The following RNF6 variants were observed in gnomAD, a reference collection of about 807,000 sequenced individuals.
The protein encoded by RNF6 is ring finger protein 6, also known as E3 ubiquitin-protein ligase RNF6.
In RNF6, 21 loss-of-function variants were observed where a neutral mutation model predicts 50.1. That is an observed-to-expected ratio of 0.42 (90% CI 0.30 to 0.60). The LOEUF (loss-of-function observed/expected upper bound fraction) is 0.60. Among genes scored for constraint, RNF6 ranks in the 20% least tolerant of loss-of-function variants. The pLI is 0.20. For synonymous variants in RNF6, 255 were observed against 291.8 expected, an observed-to-expected ratio of 0.87 and a Z score of 1.29; for missense variants, 698 against 838.2, an observed-to-expected ratio of 0.83 and a Z score of 2.07.
At chr13:26,211,467 G>A (rs1377174147), downstream of RNF6, among the ~76,000 whole-genome samples, 1 of 152,114 alleles carries the variant, frequency 6.6e-6, no homozygotes, top group East Asian at 1.9e-4. Context: ...TCCCATATAA[G>A]AAATAAACGG....
chr13:26,163,180 C>G lies in RNF6; in HGVS notation n.769-30729G>C, dbSNP rs540210797. Among the ~76,000 whole-genome samples the G allele has an allele frequency of 9.6e-4, 146 of 152,202 alleles. 4 individuals carry two copies. The South Asian group carries it at 0.028, about 29-fold the overall frequency. ...ACAAAAAATTAGCCGGGCGCGGTGG[C>G]GGGTGCCTGTAGTCCCAGCTACTTG... On this transcript the variant is annotated intron_variant and non_coding_transcript_variant, in intron 5 of 5. Transcript: ENST00000468480.
intron 5 of RNF6, among the ~76,000 whole-genome samples, chr13:26,188,623 C>G (rs1380122077): frequency 2.3e-5 from 1 of 43,258 alleles, no homozygotes; most frequent in Non-Finnish European, 3.9e-5. Context: ...GTCAAAAGAG[C>G]TTTTTTTTTT....
chr13:26,216,082 G>A (rs1869844741), intron 4 of RNF6, among the ~76,000 whole-genome samples: 2 of 152,180 alleles, frequency 1.3e-5, no homozygotes, highest in Middle Eastern at 6.8e-3. Context: ...TATTTCTCAG[G>A]TGCTGCCAAA....
rs551778590 is a variant in RNF6, at chr13:26,159,909, A to C, written n.769-27458T>G. 7.9e-5 allele frequency among the ~76,000 whole-genome samples: 12 copies of C among 152,318 alleles called. No individual in the cohort carries two copies. The East Asian group carries it at 2.3e-3, about 29-fold the overall frequency. On this transcript the variant is annotated intron_variant and non_coding_transcript_variant, in intron 5 of 5. Coordinates refer to the RNF6 transcript ENST00000468480. ...TCAAAACACATTGTTTTTACTAACC[A>C]TGCTTCAACATACAAGAATACTTAA...
In RNF6 at chr13:26,214,492, G is replaced by A. The variant is rs1566438939; in HGVS notation, c.1390C>T (p.Leu464Phe). 1 of 1,614,186 alleles carries A rather than the reference G, an allele frequency of 6.2e-7. No homozygotes were observed. Among genetic ancestry groups the A allele is most frequent in the Non-Finnish European group, 8.5e-7 (1 of 1,180,046 alleles). ...RTYVSTITVP[L>F]RRISENELVE... ...AGCTCATTCTCAGAAATCCTACGAA[G>A]AGGAACTGTTATGGTACTAACATAG... The change falls in exon 5 of 5, where the codon CTT becomes TTT. Residue 464 changes from leucine to phenylalanine, a missense_variant. Transcript: ENST00000381588.
At chr13:26,194,507 G>T (rs1288430100) in intron 5 of RNF6, among the ~76,000 whole-genome samples, 1 of 152,016 alleles carries the variant, frequency 6.6e-6, no homozygotes, top group Non-Finnish European at 1.5e-5. Flanking sequence ...ATCACTAAAG[G>T]CCTGTTTACT....
chr13:26,198,354 G>A (rs1868759756), intron 5 of RNF6, among the ~76,000 whole-genome samples: 2 of 151,840 alleles, frequency 1.3e-5, no homozygotes, highest in South Asian at 4.1e-4. Flanking sequence ...CTGATTGGAT[G>A]AGGCCTGCCC....
chr13:26,193,826 T>G (rs549310198), intron 5 of RNF6, among the ~76,000 whole-genome samples: 1 of 152,278 alleles, frequency 6.6e-6, no homozygotes, highest in African/African-American at 2.4e-5. Context: ...TGATCTTAAT[T>G]TGAAGCACAG....
intron 5 of RNF6, among the ~76,000 whole-genome samples, chr13:26,188,582 C>CTCCCTT (rs956047166): frequency 7.1e-6 from 1 of 140,602 alleles, no homozygotes; most frequent in African/African-American, 2.8e-5. Context: ...CAGCTGTTCT[C>CTCCCTT]TCCCTTTTAG....
At chr13:26,191,271 A>C (rs1351139014) in intron 5 of RNF6, among the ~76,000 whole-genome samples, 1 of 151,526 alleles carries the variant, frequency 6.6e-6, no homozygotes, top group Non-Finnish European at 1.5e-5. Context: ...AATGGATTAA[A>C]TATATCTAAA....
chr13:26,198,627 C>G (rs187617948), intron 5 of RNF6, among the ~76,000 whole-genome samples: 2 of 151,876 alleles, frequency 1.3e-5, no homozygotes, highest in Admixed American at 1.3e-4. Context: ...TTCTACTTAA[C>G]ACTGTAATGA....
rs181673605 is a variant in RNF6 at position 26,176,534 on chromosome 13, A to G, written n.768+38940T>C. ...ATATGTTGACATCCTGACCCCTAGT[A>G]CCTGTGAATGTGACTTTATTTGAAA... On this transcript the variant is annotated intron_variant and non_coding_transcript_variant, in intron 5 of 5. Coordinates refer to the RNF6 transcript ENST00000468480. Among the ~76,000 whole-genome samples the G allele has an allele frequency of 1.0e-3, 154 of 152,304 alleles. 4 individuals are homozygous for G. Among genetic ancestry groups the G allele is most frequent in the Admixed American group, 9.8e-3 (150 of 15,306 alleles).
intron 5 of RNF6, among the ~76,000 whole-genome samples, chr13:26,187,881 A>T (rs1339175482): frequency 6.6e-6 from 1 of 152,092 alleles, no homozygotes; most frequent in African/African-American, 2.4e-5. Context: ...GTGCCACCAC[A>T]CCTGGTTCCT....
At chr13:26,189,231 G>T (rs527993953) in intron 5 of RNF6, among the ~76,000 whole-genome samples, 1 of 152,246 alleles carries the variant, frequency 6.6e-6, no homozygotes, top group African/African-American at 2.4e-5. Context: ...GGAAGGCTGA[G>T]GCAGGAGAAT....
At chr13:26,204,405 G>C (rs370543590) in intron 5 of RNF6, among the ~76,000 whole-genome samples, 1 of 149,078 alleles carries the variant, frequency 6.7e-6, no homozygotes, top group Non-Finnish European at 1.5e-5. Context: ...GCTGAGGCAG[G>C]AGAATCTCTT....
intron 5 of RNF6, among the ~76,000 whole-genome samples, chr13:26,186,656 C>T (rs958456184): frequency 6.6e-6 from 1 of 152,260 alleles, no homozygotes; most frequent in Non-Finnish European, 1.5e-5. Flanking sequence ...GGGCCCGCAG[C>T]GGCGCTATAC....
chr13:26,172,487 C>T (rs1275386740), intron 5 of RNF6, among the ~76,000 whole-genome samples: 1 of 151,902 alleles, frequency 6.6e-6, no homozygotes, highest in East Asian at 1.9e-4. Context: ...ATTAAAACTT[C>T]TGTGCATTAA....
rs167289 is a variant in RNF6 at position 26,166,947 on chromosome 13, T to C, written n.769-34496A>G. Reference sequence around the variant, plus strand: ...TCAAAAACATCACTATCACTATCACTTGTAAGGCCTCCCAAGCCATGTGGA... The same window carrying C: ...TCAAAAACATCACTATCACTATCACCTGTAAGGCCTCCCAAGCCATGTGGA... On this transcript the variant is annotated intron_variant and non_coding_transcript_variant, in intron 5 of 5. Transcript: ENST00000468480. Among the ~76,000 whole-genome samples the C allele has an allele frequency of 7.6e-3, 1,155 of 152,296 alleles. 14 individuals carry two copies. The highest frequency in any genetic ancestry group is 0.021 in the African/African-American group (880 of 41,564).
rs539555574 is a variant in RNF6, at chr13:26,171,634, T to C, written n.769-39183A>G. 3.3e-5 allele frequency among the ~76,000 whole-genome samples: 5 copies of C among 152,320 alleles called. No individual in the cohort carries two copies. The South Asian group carries it at 8.3e-4, about 25-fold the overall frequency. ...AGCATTATCCACAATAGCCAAGAGTTAGAAGCAATCTGAATGTCCATCAGC... is the reference window on the plus strand; with the variant it reads ...AGCATTATCCACAATAGCCAAGAGTCAGAAGCAATCTGAATGTCCATCAGC... On this transcript the variant is annotated intron_variant and non_coding_transcript_variant, in intron 5 of 5. Coordinates refer to the RNF6 transcript ENST00000468480.
Sources: gnomAD v4.1 joint callset for allele counts (sites outside exome capture counted in the v4.1 genomes callset) on GRCh38, gnomAD v4.1.1 for gene constraint, MANE v1.5 for transcripts, NCBI Gene and HGNC (gene_info 2026-07-23, HGNC 2026-07-21) for gene names.